GAPVD1: variants seen among roughly 807,000 people sequenced by gnomAD.
The protein encoded by GAPVD1 is GTPase-activating protein and VPS9 domain-containing protein 1.
GAPVD1 carries 35 observed loss-of-function variants against 155.5 expected under a neutral mutation model. That is an observed-to-expected ratio of 0.23 (90% confidence interval 0.17 to 0.30). The LOEUF (loss-of-function observed/expected upper bound fraction) is 0.30. Ranked by LOEUF, GAPVD1 falls within the 10% of genes least tolerant of loss-of-function variation. The probability of loss-of-function intolerance (pLI) is 1.00; values close to 1 mark genes in which losing one functional copy is unlikely to be tolerated. For synonymous variants in GAPVD1, 636 were observed against 619.7 expected, an observed-to-expected ratio of 1.03 and a Z score of -0.39; for missense variants, 1,429 against 1,775.7, an observed-to-expected ratio of 0.80 and a Z score of 3.51.
rs1179997714 is a variant in GAPVD1 at position 125,366,713 on chromosome 9, C to T, written c.*3967C>T. On this transcript the variant is annotated 3_prime_UTR_variant, in exon 28 of 28. Transcript: ENST00000297933. ...AATGCCAAAATGCTTGAGAACTTTG[C>T]CAGGTTAAAAATTACTTAATATATT... 1 of 152,110 alleles carries T rather than the reference C, an allele frequency of 6.6e-6. No homozygotes were observed. The highest frequency in any genetic ancestry group is 2.4e-5 in the African/African-American group (1 of 41,406). 9.4% of individuals were successfully genotyped at this position (152,110 alleles called of 1,614,324 possible).
Position 125,330,147 on chromosome 9 carries a change from C to G in GAPVD1, c.2102C>G (p.Pro701Arg). 1.2e-6 allele frequency: 2 copies of G among 1,610,212 alleles called. No homozygotes were observed. The highest frequency in any genetic ancestry group is 1.7e-6 in the Non-Finnish European group (2 of 1,176,654). The change falls in exon 13 of 28, where the codon CCC (proline) becomes CGC (arginine). Residue 701 changes from proline to arginine, a missense_variant. Transcript: ENST00000297933. ...GGTTCAGGGTCAGTGCTTCTTGACCCCTGCACTGGTTCTACCATATCAGAG... is the reference window on the plus strand; with the variant it reads ...GGTTCAGGGTCAGTGCTTCTTGACCGCTGCACTGGTTCTACCATATCAGAG... ...LPGSGSVLLDPCTGSTISETT... is the reference protein window; with the variant it reads ...LPGSGSVLLDRCTGSTISETT...
intron 2 of GAPVD1, among the ~76,000 whole-genome samples, chr9:125,270,560 C>A (rs1230407136): frequency 6.6e-6 from 1 of 152,078 alleles, no homozygotes; most frequent in East Asian, 1.9e-4. Context: ...TGTTTCAAAG[C>A]TGAAACCCAG....
intron 12 of GAPVD1, 94 bp from the exon 13 acceptor site, chr9:125,329,984 G>C (rs1482361356): frequency 4.6e-5 from 47 of 1,026,426 alleles, no homozygotes; most frequent in Non-Finnish European, 5.8e-5. Context: ...GCCCAGCCAG[G>C]AGATTTTGTT....
chr9:125,339,140 C>G (rs1456943475), intron 17 of GAPVD1, among the ~76,000 whole-genome samples: 1 of 152,116 alleles, frequency 6.6e-6, no homozygotes, highest in Non-Finnish European at 1.5e-5. Context: ...CACCACATGC[C>G]TGGCTAATTT....
At chr9:125,296,485 A>G (rs1205065623) in intron 3 of GAPVD1, among the ~76,000 whole-genome samples, 1 of 146,566 alleles carries the variant, frequency 6.8e-6, no homozygotes, top group African/African-American at 2.6e-5. Context: ...CTCCTGAGTA[A>G]CTGGGATTAC....
chr9:125,306,994 G>C (rs1245754701), intron 6 of GAPVD1, among the ~76,000 whole-genome samples: 1 of 151,998 alleles, frequency 6.6e-6, no homozygotes, highest in Non-Finnish European at 1.5e-5. Flanking sequence ...GGTCAGGCGG[G>C]GTGGCTCACA....
intron 2 of GAPVD1, among the ~76,000 whole-genome samples, chr9:125,294,818 G>A (rs1251388166): frequency 3.3e-5 from 5 of 152,122 alleles, no homozygotes; most frequent in African/African-American, 1.2e-4. Flanking sequence ...TATGTTTTGT[G>A]TGGTATTTGG....
At chr9:125,314,173 G>C (rs1384769882) in intron 9 of GAPVD1, among the ~76,000 whole-genome samples, 2 of 152,146 alleles carry the variant, frequency 1.3e-5, no homozygotes, top group Non-Finnish European at 2.9e-5. Flanking sequence ...TATACTAGTA[G>C]TATTCCTGCA....
Position 125,302,693 on chromosome 9 carries a change from T to C in GAPVD1, c.896T>C (p.Val299Ala), listed in dbSNP as rs547560589. The C allele has an allele frequency of 1.9e-6, 3 of 1,611,948 alleles. No individual in the cohort carries two copies. In the African/African-American group the frequency reaches 4.0e-5, roughly 22 times the overall value. The change falls in exon 5 of 28, where the codon GTT becomes GCT. Residue 299 changes from valine (V) to alanine (A), a missense_variant. By Grantham distance (64) the Val-to-Ala change is moderately conservative (BLOSUM62 0). This residue lies in a region of GAPVD1 where 628 missense variants were observed against 733.4 expected (regional missense o/e 0.86). Coordinates refer to ENST00000297933, the MANE Select transcript of GAPVD1 (RefSeq NM_001282680.3). ...CTCTCCTGTGTAGATAGGCTGGAAG[T>C]TGGGGAGGTCAGGGCAATGTGTACT... is the stretch of plus-strand genomic sequence containing the variant. ...KTLSCVDRLE[V>A]GEVRAMCTDL...
intron 11 of GAPVD1, among the ~76,000 whole-genome samples, chr9:125,325,979 A>C (rs1184945024): frequency 1.3e-5 from 2 of 152,242 alleles, no homozygotes; most frequent in African/African-American, 4.8e-5. Context: ...ATCATTCCTT[A>C]GTTCAGTGTA....
intron 8 of GAPVD1, among the ~76,000 whole-genome samples, 165 bp from the exon 9 acceptor site, chr9:125,312,287 G>A (rs971902239): frequency 7.2e-5 from 11 of 152,032 alleles, no homozygotes; most frequent in African/African-American, 2.7e-4. Context: ...TAACTGGGAG[G>A]ATCTGGTTTG....
intron 4 of GAPVD1, among the ~76,000 whole-genome samples, chr9:125,300,054 T>A (rs868346098): frequency 0.38 from 2,758 of 7,182 alleles, 913 homozygotes; most frequent in Non-Finnish European, 0.46. Context: ...TATATATATA[T>A]ATATATATAT....
intron 2 of GAPVD1, among the ~76,000 whole-genome samples, chr9:125,283,882 T>TC (rs368983325): frequency 1.3e-5 from 2 of 152,014 alleles, no homozygotes; most frequent in East Asian, 3.9e-4. Flanking sequence ...CTTTTTTTTT[T>TC]CTTTTTTTGA....
chr9:125,355,199 C>T (rs1819328309), intron 24 of GAPVD1, among the ~76,000 whole-genome samples: 1 of 89,014 alleles, frequency 1.1e-5, no homozygotes, highest in African/African-American at 9.2e-5. Flanking sequence ...TCACTGCAAC[C>T]TCTGTCTCCC....
At chr9:125,324,901 T>C (rs1405781969) in intron 11 of GAPVD1, among the ~76,000 whole-genome samples, 1 of 152,106 alleles carries the variant, frequency 6.6e-6, no homozygotes, top group Non-Finnish European at 1.5e-5. Context: ...AAGATTAAGT[T>C]GAAAGAGTTT....
At chr9:125,349,327 A>T (rs940542353) in intron 20 of GAPVD1, 63 bp from the exon 21 acceptor site, 1 of 1,412,616 alleles carries the variant, frequency 7.1e-7, no homozygotes, top group Non-Finnish European at 1.0e-6. Flanking sequence ...CTGAATACCT[A>T]CTAGTGCCAT....
chr9:125,282,939 A>C (rs1212641539), intron 2 of GAPVD1, among the ~76,000 whole-genome samples: 1 of 152,134 alleles, frequency 6.6e-6, no homozygotes, highest in Non-Finnish European at 1.5e-5. Flanking sequence ...TGACTTTCTA[A>C]CAACATTATT....
intron 19 of GAPVD1, 97 bp downstream of exon 19, chr9:125,342,396 A>C (rs1424456576): frequency 1.2e-5 from 9 of 756,274 alleles, no homozygotes; most frequent in Non-Finnish European, 1.9e-5. Flanking sequence ...TTTCTAGAAG[A>C]GTGTGTCTGT....
chr9:125,272,020 A>G (rs374144505), intron 2 of GAPVD1, among the ~76,000 whole-genome samples: 2 of 152,038 alleles, frequency 1.3e-5, no homozygotes, highest in Non-Finnish European at 2.9e-5. Flanking sequence ...CTTTGGAAAA[A>G]CTACATTAAT....
Sources: allele counts gnomAD v4.1 joint callset (sites outside exome capture counted in the v4.1 genomes callset), GRCh38; gene constraint gnomAD v4.1.1; regional missense constraint gnomAD v4.1.1; transcripts MANE v1.5; gene names NCBI Gene and HGNC (gene_info 2026-07-23, HGNC 2026-07-21).